Variants in MINDY2 observed in about 807,000 individuals in gnomAD.
MINDY2 encodes MINDY lysine 48 deubiquitinase 2.
MINDY2 carries 52 observed loss-of-function variants against 68.2 expected under a neutral mutation model. The observed-to-expected ratio is 0.76, with a 90% CI of 0.61 to 0.96. The LOEUF is 0.96. Among genes scored for constraint, MINDY2 ranks in the 40% least tolerant of loss-of-function variants. The pLI is 0.00. For missense variants in MINDY2, 881 were observed against 773.4 expected, an observed-to-expected ratio of 1.14 and a Z score of -1.65; for synonymous variants, 372 against 303.0, an observed-to-expected ratio of 1.23 and a Z score of -2.36.
chr15:58,835,109 T>C (rs1221087890), intron 6 of MINDY2, among the ~76,000 whole-genome samples: 3 of 152,238 alleles, frequency 2.0e-5, no homozygotes, highest in African/African-American at 4.8e-5. Flanking sequence ...TGCTCACTAG[T>C]AGTAGGAATA....
At position 58,771,416 on chromosome 15, in the gene MINDY2, C is replaced by T. The variant is rs1257417928; in HGVS notation, c.21C>T (p.Ser7=). 1.2e-6 allele frequency: 2 copies of T among 1,611,082 alleles called. No homozygotes were observed. Among genetic ancestry groups the T allele is most frequent in the Non-Finnish European group, 1.7e-6 (2 of 1,179,326 alleles). Residue 7 remains serine, a synonymous_variant, in exon 1 of 9, where the codon AGC becomes AGT. Coordinates refer to ENST00000559228, the MANE Select transcript of MINDY2 (RefSeq NM_001040450.3). The stretch of plus-strand genomic sequence containing the variant: ...CCGGTATGGAGAGCAGCCCCGAGAG[C>T]CTGCAGCCGCTAGAACACGGGGTGG... MESSPE[S]LQPLEHGVAA... is the part of the protein sequence containing the mutation.
At chr15:58,774,950 T>C (rs1005381204) in intron 1 of MINDY2, among the ~76,000 whole-genome samples, 5 of 152,182 alleles carry the variant, frequency 3.3e-5, no homozygotes, top group Non-Finnish European at 7.3e-5. Context: ...GTGTTTTTTT[T>C]CTCCAGCCTG....
intron 2 of MINDY2, among the ~76,000 whole-genome samples, chr15:58,792,434 C>T (rs28470867): frequency 0.16 from 24,287 of 152,180 alleles, 2,188 homozygotes; most frequent in South Asian, 0.34. Flanking sequence ...GGTAAAACCC[C>T]GTCTCTACTA....
Position 58,858,709 on chromosome 15 carries a change from T to TA in MINDY2, c.*4104dup, listed in dbSNP as rs1362567357. The TA allele has an allele frequency of 6.6e-6, 1 of 152,140 alleles. No homozygotes were observed. The highest frequency in any genetic ancestry group is 2.4e-5 in the African/African-American group (1 of 41,448). The allele number at this position is 152,140 out of a possible 1,614,324, so 9.4% of individuals were successfully genotyped here. On this transcript the variant is annotated 3_prime_UTR_variant, in exon 9 of 9. Coordinates refer to ENST00000559228, the MANE Select transcript of MINDY2 (RefSeq NM_001040450.3). ...ATGCACAAGTTACCTTAAAACATGATAAAAACCTTATGGGCATTACCTATC... is the reference window on the plus strand; with the variant it reads ...ATGCACAAGTTACCTTAAAACATGATAAAAAACCTTATGGGCATTACCTATC...
At chr15:58,793,607 AAG>A (rs764203911) in intron 2 of MINDY2, among the ~76,000 whole-genome samples, 33 of 152,322 alleles carry the variant, frequency 2.2e-4, no homozygotes, top group Non-Finnish European at 4.4e-4. Flanking sequence ...CATTTTATAA[AAG>A]AGAAAACTAG....
intron 6 of MINDY2, among the ~76,000 whole-genome samples, chr15:58,840,628 C>T (rs1362085456): frequency 7.2e-6 from 1 of 139,266 alleles, no homozygotes; most frequent in South Asian, 2.3e-4. Context: ...TATTTATTTA[C>T]TTATTATTAT....
At chr15:58,842,576 C>G (rs2032334292) in intron 6 of MINDY2, among the ~76,000 whole-genome samples, 1 of 152,010 alleles carries the variant, frequency 6.6e-6, no homozygotes, top group East Asian at 1.9e-4. Flanking sequence ...AATTTGGAAA[C>G]TGGAATAAGG....
rs1210096484 is a variant in MINDY2 at position 58,794,602 on chromosome 15, T to A, written c.898+6639T>A. Reference sequence around the variant, plus strand: ...GATAATGGGTAGAATTATCTGAGTTTTAAAACTGAGGAGTTTAGGGAGGAA... The same window carrying A: ...GATAATGGGTAGAATTATCTGAGTTATAAAACTGAGGAGTTTAGGGAGGAA... On this transcript the variant is annotated intron_variant, in intron 2 of 8. Coordinates refer to ENST00000559228, the MANE Select transcript of MINDY2 (RefSeq NM_001040450.3). 3.3e-5 allele frequency among the ~76,000 whole-genome samples: 5 copies of A among 152,052 alleles called. No homozygotes were observed. In the East Asian group the frequency reaches 7.7e-4, roughly 23 times the overall value.
Position 58,771,925 on chromosome 15 carries a change from A to G in MINDY2, c.530A>G (p.Glu177Gly). 1 of 1,555,204 alleles carries G rather than the reference A, an allele frequency of 6.4e-7. No homozygotes were observed. The highest frequency in any genetic ancestry group is 8.7e-7 in the Non-Finnish European group (1 of 1,152,542). ...PGESPSLDSL[E>G]SFSNLHSFPS... is the part of the protein sequence containing the mutation. The stretch of plus-strand genomic sequence containing the variant: ...GAATCTCCGAGCCTGGACTCTCTGG[A>G]GTCGTTCTCTAACCTGCATTCTTTT... The change falls in exon 1 of 9, where the codon GAG (glutamate) becomes GGG (glycine). Residue 177 changes from glutamate to glycine, a missense_variant. By Grantham distance (98) the Glu-to-Gly change is moderately conservative. Transcript: ENST00000559228.
At chr15:58,854,101 A>G (rs1254952764) in intron 8 of MINDY2, among the ~76,000 whole-genome samples, 5 of 151,874 alleles carry the variant, frequency 3.3e-5, no homozygotes, top group Non-Finnish European at 7.4e-5. Context: ...AAAGTTAGCC[A>G]GGCGTGGTGG....
intron 1 of MINDY2, among the ~76,000 whole-genome samples, chr15:58,779,745 G>A (rs1380144862): frequency 6.6e-6 from 1 of 152,218 alleles, no homozygotes; most frequent in Non-Finnish European, 1.5e-5. Flanking sequence ...AATTGGTGTT[G>A]TAACTCTGGA....
intron 4 of MINDY2, among the ~76,000 whole-genome samples, 188 bp from the exon 5 acceptor site, chr15:58,821,528 TG>T: frequency 6.6e-6 from 1 of 152,158 alleles, no homozygotes; most frequent in Non-Finnish European, 1.5e-5. Context: ...TTTTTCATAA[TG>T]TGTCCTACTG....
At chr15:58,851,303 C>T (rs1460604031) in intron 7 of MINDY2, among the ~76,000 whole-genome samples, 1 of 152,066 alleles carries the variant, frequency 6.6e-6, no homozygotes, top group East Asian at 1.9e-4. Flanking sequence ...ATGACAGAAT[C>T]ACTGAAATAA....
chr15:58,849,229 A>G (rs1291295826), intron 7 of MINDY2, among the ~76,000 whole-genome samples: 1 of 150,586 alleles, frequency 6.6e-6, no homozygotes, highest in African/African-American at 2.4e-5. Context: ...AAGGCTGGGC[A>G]CGGTGGCTCA....
At chr15:58,818,651 A>ATT (rs202083877) in intron 4 of MINDY2, among the ~76,000 whole-genome samples, 72 of 131,542 alleles carry the variant, frequency 5.5e-4, no homozygotes, top group African/African-American at 1.4e-3. Context: ...TTGTATATTG[A>ATT]TTTTTTTTTT....
At chr15:58,831,130 A>G (rs984313789) in intron 5 of MINDY2, among the ~76,000 whole-genome samples, 2 of 151,238 alleles carry the variant, frequency 1.3e-5, no homozygotes, top group Non-Finnish European at 1.5e-5. Flanking sequence ...CATAATATCT[A>G]TTTCCGAACT....
chr15:58,824,719 G>C (rs1305522121), intron 5 of MINDY2, among the ~76,000 whole-genome samples: 1 of 150,128 alleles, frequency 6.7e-6, no homozygotes, highest in African/African-American at 2.5e-5. Context: ...ACCCAGGCTG[G>C]AGTGTAGTGG....
chr15:58,774,094 G>T (rs1178110639), intron 1 of MINDY2, among the ~76,000 whole-genome samples: 1 of 152,190 alleles, frequency 6.6e-6, no homozygotes, highest in Non-Finnish European at 1.5e-5. Context: ...TGGAGTATTT[G>T]GGGATAGATG....
chr15:58,816,663 G>A (rs1202554606), intron 4 of MINDY2, among the ~76,000 whole-genome samples: 1 of 151,438 alleles, frequency 6.6e-6, no homozygotes, highest in Non-Finnish European at 1.5e-5. Context: ...TAGAACTAGG[G>A]CACTCTAGAG....
Sources: allele counts gnomAD v4.1 joint callset (sites outside exome capture counted in the v4.1 genomes callset), GRCh38; gene constraint gnomAD v4.1.1; transcripts MANE v1.5; gene names NCBI Gene and HGNC (gene_info 2026-07-23, HGNC 2026-07-21).